TNS3: variants seen among roughly 807,000 people sequenced by gnomAD.
TNS3 encodes tensin-3.
Under a neutral mutation model 140.9 loss-of-function variants are expected in TNS3, and 45 were observed. The ratio of observed to expected loss-of-function variants is 0.32; its 90% CI spans 0.25 to 0.41. TNS3 has a LOEUF of 0.41. TNS3 is among the 10% of genes least tolerant of loss of function. The probability of loss-of-function intolerance (pLI) is 1.00; values close to 1 mark genes in which losing one functional copy is unlikely to be tolerated. For missense variants in TNS3, 1,716 were observed against 1,906.7 expected, an observed-to-expected ratio of 0.90 and a Z score of 1.86; for synonymous variants, 815 against 788.4, an observed-to-expected ratio of 1.03 and a Z score of -0.56.
At chr7:47,538,854 A>G (rs1799698750) in intron 1 of TNS3, among the ~76,000 whole-genome samples, 1 of 152,010 alleles carries the variant, frequency 6.6e-6, no homozygotes, top group Admixed American at 6.6e-5. Context: ...TTCTGTATAC[A>G]TTCATCATTT....
intron 23 of TNS3, among the ~76,000 whole-genome samples, chr7:47,301,598 A>G (rs1412203808): frequency 6.6e-6 from 1 of 150,770 alleles, no homozygotes; most frequent in Non-Finnish European, 1.5e-5. Flanking sequence ...TCAAATATTC[A>G]TTGCTCAAAA....
chr7:47,495,204 A>G lies in TNS3; in HGVS notation c.-115+11703T>C, dbSNP rs930194363. Among the ~76,000 whole-genome samples the G allele has an allele frequency of 2.9e-4, 44 of 151,892 alleles. 1 individual carries two copies. The highest frequency in any genetic ancestry group is 2.6e-3 in the Admixed American group (39 of 15,264). On this transcript the variant is annotated intron_variant, in intron 3 of 30. Coordinates refer to ENST00000311160, the MANE Select transcript of TNS3 (RefSeq NM_022748.12). ...AGACTCCGTCTCAAAAAAAAAAAAA[A>G]AAAAAAAGAAACGTTCTTCTCCCCA...
chr7:47,319,554 A>T (rs1787608865), intron 20 of TNS3, among the ~76,000 whole-genome samples: 1 of 152,116 alleles, frequency 6.6e-6, no homozygotes, highest in Non-Finnish European at 1.5e-5. Flanking sequence ...CATGGAGGGG[A>T]CAAATATCCA....
intron 16 of TNS3, among the ~76,000 whole-genome samples, chr7:47,371,682 G>C (rs1450501353): frequency 6.7e-6 from 1 of 150,310 alleles, no homozygotes; most frequent in African/African-American, 2.5e-5. Flanking sequence ...AGACTGGAAA[G>C]ACTGGACTAA....
chr7:47,363,085 ATATC>A, intron 17 of TNS3, among the ~76,000 whole-genome samples: 1 of 88 alleles, frequency 0.011, no homozygotes. Flanking sequence ...ACCACCATCA[ATATC>A]ACAGTCATCA....
At chr7:47,323,527 A>C (rs1787865999) in intron 20 of TNS3, among the ~76,000 whole-genome samples, 1 of 152,262 alleles carries the variant, frequency 6.6e-6, no homozygotes, top group East Asian at 1.9e-4. Flanking sequence ...AAAGGAAAGA[A>C]GAATGTTCAA....
intron 1 of TNS3, among the ~76,000 whole-genome samples, chr7:47,549,600 G>A (rs796316807): frequency 1.2e-4 from 18 of 152,230 alleles, no homozygotes; most frequent in African/African-American, 4.1e-4. Flanking sequence ...TCAGGACATT[G>A]GCACTTGCTG....
intron 13 of TNS3, among the ~76,000 whole-genome samples, chr7:47,410,734 G>A (rs1052930909): frequency 3.9e-5 from 6 of 152,148 alleles, no homozygotes; most frequent in Non-Finnish European, 7.4e-5. Flanking sequence ...GCTATTTCTC[G>A]AGTCACCCTA....
intron 16 of TNS3, among the ~76,000 whole-genome samples, chr7:47,370,794 T>C (rs1562651196): frequency 6.6e-6 from 1 of 152,138 alleles, no homozygotes; most frequent in Non-Finnish European, 1.5e-5. Context: ...ACCTGGAATT[T>C]GAGAGACGTG....
At position 47,369,198 on chromosome 7, in the gene TNS3, G is replaced by A. The variant is rs1790904171; in HGVS notation, c.1448C>T (p.Pro483Leu). 6.2e-7 allele frequency: 1 copy of A among 1,613,954 alleles called. No homozygotes were observed. Among genetic ancestry groups the A allele is most frequent in the Non-Finnish European group, 8.5e-7 (1 of 1,179,950 alleles). The part of the protein sequence containing the change: ...RETDILDDEM[P>L]HHDLHSVDSL... ...GTCCACACTGTGCAGGTCGTGGTGGGGCATCTCGTCATCCAGAATGTCTGT... is the reference window on the plus strand; with the variant it reads ...GTCCACACTGTGCAGGTCGTGGTGGAGCATCTCGTCATCCAGAATGTCTGT... The change falls in exon 17 of 31, where the codon CCC (proline) becomes CTC (leucine). Residue 483 changes from proline (P) to leucine (L), a missense_variant. Pro to Leu is a moderately conservative substitution (Grantham distance 98, BLOSUM62 -3). Transcript: ENST00000311160.
intron 4 of TNS3, among the ~76,000 whole-genome samples, chr7:47,465,777 A>T (rs1483721216): frequency 4.6e-5 from 7 of 151,966 alleles, no homozygotes; most frequent in Non-Finnish European, 8.8e-5. Flanking sequence ...ATACAAAATT[A>T]GCCGGGCGTG....
intron 1 of TNS3, among the ~76,000 whole-genome samples, chr7:47,548,746 G>A (rs996716830): frequency 6.6e-6 from 1 of 152,032 alleles, no homozygotes; most frequent in Non-Finnish European, 1.5e-5. Flanking sequence ...GCCGGCTGAT[G>A]GTCCTGACCA....
intron 17 of TNS3, among the ~76,000 whole-genome samples, chr7:47,358,142 T>C (rs1397593379): frequency 6.7e-6 from 1 of 149,830 alleles, no homozygotes; most frequent in East Asian, 2.0e-4. Context: ...CACTAACACT[T>C]CATCTTTTTT....
intron 4 of TNS3, among the ~76,000 whole-genome samples, chr7:47,448,840 A>G (rs933197556): frequency 2.6e-5 from 4 of 152,152 alleles, no homozygotes; most frequent in African/African-American, 4.8e-5. Flanking sequence ...AACAGTTTCC[A>G]AAACCTCACA....
intron 13 of TNS3, among the ~76,000 whole-genome samples, chr7:47,410,027 A>C (rs910837930): frequency 2.6e-5 from 4 of 152,200 alleles, no homozygotes; most frequent in Non-Finnish European, 4.4e-5. Context: ...TGCTGAACAT[A>C]GCCGGTGCTC....
chr7:47,539,433 C>T (rs334504), intron 1 of TNS3: 1 of 315,488 alleles, frequency 3.2e-6, no homozygotes, highest in Non-Finnish European at 6.2e-6. Context: ...GTGCTCAATC[C>T]TAAGGCGAAT....
chr7:47,377,197 T>C (rs1465147626), intron 16 of TNS3, among the ~76,000 whole-genome samples: 1 of 152,230 alleles, frequency 6.6e-6, no homozygotes, highest in African/African-American at 2.4e-5. Context: ...ATTGGAATGA[T>C]GTCTGCAGCT....
intron 4 of TNS3, among the ~76,000 whole-genome samples, chr7:47,462,101 T>A (rs1298649800): frequency 6.6e-6 from 1 of 152,192 alleles, no homozygotes; most frequent in Non-Finnish European, 1.5e-5. Flanking sequence ...AATGAAAGGT[T>A]CAGGATTCCG....
At chr7:47,393,147 A>G (rs1407521984) in intron 16 of TNS3, among the ~76,000 whole-genome samples, 3 of 152,220 alleles carry the variant, frequency 2.0e-5, no homozygotes, top group African/African-American at 7.2e-5. Flanking sequence ...AAATTACATG[A>G]TATTTAGAAA....
Sources: allele counts gnomAD v4.1 joint callset (sites outside exome capture counted in the v4.1 genomes callset), GRCh38; gene constraint gnomAD v4.1.1; transcripts MANE v1.5; gene names NCBI Gene and HGNC (gene_info 2026-07-23, HGNC 2026-07-21).